Variants in ZNF540 observed in about 807,000 individuals in gnomAD.
ZNF540 encodes zinc finger protein 540.
In ZNF540, 3 loss-of-function variants were observed where a neutral mutation model predicts 11.8. That is an observed-to-expected ratio of 0.25 (90% CI 0.12 to 0.65). The LOEUF (loss-of-function observed/expected upper bound fraction) is 0.65. Ranked by LOEUF, ZNF540 falls within the 30% of genes least tolerant of loss-of-function variation. The pLI, the probability that ZNF540 is intolerant of heterozygous loss-of-function variation, is 0.83. For synonymous variants in ZNF540, 247 were observed against 259.0 expected (o/e 0.95, Z 0.45); for missense variants, 709 against 793.1 (o/e 0.89, Z 1.27).
chr19:37,611,716 T>C lies in ZNF540; in HGVS notation c.436T>C (p.Ser146Pro). 1 of 1,613,764 alleles carries C rather than the reference T, an allele frequency of 6.2e-7. No individual in the cohort carries two copies. Among genetic ancestry groups the C allele is most frequent in the South Asian group, 1.1e-5 (1 of 91,052 alleles). Residue 146 changes from serine (S) to proline (P), a missense_variant, in exon 5 of 5, where the codon TCT becomes CCT. Coordinates refer to ENST00000316433, the MANE Select transcript of ZNF540 (RefSeq NM_001172225.3). The stretch of plus-strand genomic sequence containing the variant: ...ATCTATCAGTCAAAAGAAAATCGTC[T>C]CTAAAAAAATGTCAACTGATAGAAA... ...ERSISQKKIV[S>P]KKMSTDRKRP... is the part of the protein sequence containing the mutation.
chr19:37,575,994 A>G (rs911086838), intron 1 of ZNF540, among the ~76,000 whole-genome samples: 4 of 152,246 alleles, frequency 2.6e-5, no homozygotes, highest in Admixed American at 2.6e-4. Context: ...GCCAAACTTC[A>G]AAACAGGAAA....
chr19:37,580,052 A>G (rs2043395507), intron 1 of ZNF540, among the ~76,000 whole-genome samples: 1 of 152,234 alleles, frequency 6.6e-6, no homozygotes, highest in African/African-American at 2.4e-5. Context: ...GGCTATATTT[A>G]CAGCACGGAT....
At chr19:37,600,397 A>G (rs1177393463) in intron 3 of ZNF540, among the ~76,000 whole-genome samples, 1 of 152,214 alleles carries the variant, frequency 6.6e-6, no homozygotes, top group Non-Finnish European at 1.5e-5. Flanking sequence ...AAAGTAAAAT[A>G]AAATTTATTA....
Position 37,612,301 on chromosome 19 carries a change from C to T in ZNF540, c.1021C>T (p.Gln341Ter), listed in dbSNP as rs757453601. The T allele has an allele frequency of 1.2e-6, 2 of 1,613,920 alleles. No individual in the cohort carries two copies. Among genetic ancestry groups the T allele is most frequent in the Non-Finnish European group, 8.5e-7 (1 of 1,179,986 alleles). Residue 341 changes from glutamine to a stop codon, truncating the protein, a stop_gained, in exon 5 of 5, where the codon CAA (glutamine) becomes TAA (stop). Coordinates refer to ENST00000316433, the MANE Select transcript of ZNF540 (RefSeq NM_001172225.3). LOFTEE classifies it low-confidence loss of function (END_TRUNC). ...ECGKAFSVCG[Q>*]LTRHQKIHTG... ...TGGGAAAGCTTTTAGTGTATGCGGA[C>T]AACTTACCCGTCATCAGAAAATTCA...
At chr19:37,600,650 A>C (rs1184814478) in intron 3 of ZNF540, among the ~76,000 whole-genome samples, 2 of 152,160 alleles carry the variant, frequency 1.3e-5, no homozygotes, top group Non-Finnish European at 2.9e-5. Flanking sequence ...TAATTTAACC[A>C]GTTTGTTTAC....
At chr19:37,602,705 A>G (rs1400906835) in intron 4 of ZNF540, among the ~76,000 whole-genome samples, 1 of 152,198 alleles carries the variant, frequency 6.6e-6, no homozygotes, top group African/African-American at 2.4e-5. Context: ...GGAGAGTGGT[A>G]CCAAAAAAGT....
chr19:37,562,377 G>GT (rs113562573), intron 1 of ZNF540: 42,855 of 149,556 alleles, frequency 0.29, 6,817 homozygotes, highest in Non-Finnish European at 0.37. Flanking sequence ...GCGAAACTCC[G>GT]TTTTTTTTTT....
chr19:37,605,036 G>A (rs1374112764), intron 4 of ZNF540, among the ~76,000 whole-genome samples: 7 of 152,200 alleles, frequency 4.6e-5, no homozygotes, highest in African/African-American at 9.6e-5. Flanking sequence ...GAACATCTAA[G>A]TTGTTTCTAG....
intron 1 of ZNF540, chr19:37,564,622 A>T (rs2147147034): frequency 6.4e-7 from 1 of 1,550,562 alleles, no homozygotes; most frequent in East Asian, 2.3e-5. Flanking sequence ...TTGTATGTTG[A>T]GTAAGTTGTG....
chr19:37,553,202 C>T (rs1277458968), intron 1 of ZNF540, among the ~76,000 whole-genome samples: 3 of 120,900 alleles, frequency 2.5e-5, no homozygotes, highest in East Asian at 2.8e-4. Flanking sequence ...GGCATGATCT[C>T]GGCTCACTGC....
intron 1 of ZNF540, among the ~76,000 whole-genome samples, chr19:37,559,753 G>T (rs906056332): frequency 1.3e-5 from 2 of 152,146 alleles, no homozygotes; most frequent in African/African-American, 2.4e-5. Context: ...CAAAAATAGG[G>T]TGATTATTAA....
intron 1 of ZNF540, among the ~76,000 whole-genome samples, chr19:37,576,033 A>C (rs2043231055): frequency 6.6e-6 from 1 of 150,910 alleles, no homozygotes; most frequent in South Asian, 2.1e-4. Flanking sequence ...CAGGTAAGGC[A>C]TACATGCATA....
At chr19:37,581,283 T>C (rs546882698) in intron 1 of ZNF540, among the ~76,000 whole-genome samples, 2 of 152,274 alleles carry the variant, frequency 1.3e-5, no homozygotes, top group African/African-American at 4.8e-5. Context: ...TTAATAATGA[T>C]TAGCACAACT....
chr19:37,554,498 CTT>C (rs1243813504), intron 1 of ZNF540, among the ~76,000 whole-genome samples: 1 of 152,022 alleles, frequency 6.6e-6, no homozygotes, highest in Admixed American at 6.5e-5. Flanking sequence ...ATGTATGTAT[CTT>C]TTTTCCATCA....
chr19:37,603,270 GT>G (rs2044054759), intron 4 of ZNF540, among the ~76,000 whole-genome samples: 1 of 152,128 alleles, frequency 6.6e-6, no homozygotes, highest in African/African-American at 2.4e-5. Flanking sequence ...GCCTCCCAAA[GT>G]GCTGGGCGTG....
chr19:37,571,941 A>C (rs1260902328), intron 1 of ZNF540, among the ~76,000 whole-genome samples: 2 of 152,252 alleles, frequency 1.3e-5, no homozygotes, highest in Non-Finnish European at 2.9e-5. Flanking sequence ...TATTAACCAG[A>C]ATGGAGAATT....
At chr19:37,608,763 G>T (rs750783395) in intron 4 of ZNF540, among the ~76,000 whole-genome samples, 4 of 152,128 alleles carry the variant, frequency 2.6e-5, no homozygotes, top group Non-Finnish European at 4.4e-5. Context: ...CGCTAGGTGT[G>T]ACAGGATAGC....
chr19:37,598,351 C>A, intron 1 of ZNF540, 25 bp from the exon 2 acceptor site: 1 of 1,247,154 alleles, frequency 8.0e-7, no homozygotes, highest in Non-Finnish European at 1.2e-6. Flanking sequence ...GTCTCACTGT[C>A]TCATTTTTTT....
chr19:37,558,830 GGAGA>G (rs2042688147), intron 1 of ZNF540, among the ~76,000 whole-genome samples: 1 of 149,370 alleles, frequency 6.7e-6, no homozygotes, highest in Non-Finnish European at 1.5e-5. Context: ...ATATATATAT[GGAGA>G]GAGAGACAGA....
Sources: allele counts gnomAD v4.1 joint callset (sites outside exome capture counted in the v4.1 genomes callset), GRCh38; gene constraint gnomAD v4.1.1; transcripts MANE v1.5; gene names NCBI Gene and HGNC (gene_info 2026-07-23, HGNC 2026-07-21).